TMEM184A: variants seen among roughly 807,000 people sequenced by gnomAD.
The protein encoded by TMEM184A is sexually dimorphic, expressed in male gonads 1.
Under a neutral mutation model 39.5 loss-of-function variants are expected in TMEM184A, and 40 were observed. The ratio of observed to expected loss-of-function variants is 1.01; its 90% CI spans 0.79 to 1.32. TMEM184A has a LOEUF of 1.32. TMEM184A is among the 40% of genes most tolerant of loss of function. The pLI is 0.00. For synonymous variants in TMEM184A, 280 were observed against 252.3 expected (o/e 1.11, Z -1.04); for missense variants, 603 against 568.8 (o/e 1.06, Z -0.61).
At chr7:1,547,974 G>T in intron 7 of TMEM184A, 35 bp from the exon 8 acceptor site, 1 of 1,541,850 alleles carries the variant, frequency 6.5e-7, no homozygotes, top group Non-Finnish European at 8.7e-7. Flanking sequence ...CCCAGCCCCA[G>T]ACGGGGTCTG....
chr7:1,548,859 C>A (rs989943293), intron 6 of TMEM184A, 171 bp from the exon 7 acceptor site: 2 of 844,998 alleles, frequency 2.4e-6, no homozygotes, highest in South Asian at 2.9e-5. Context: ...TGCAGGAGAG[C>A]GTGGGGAGCT....
In TMEM184A at chr7:1,555,126, T is replaced by C. The variant is rs953491502; in HGVS notation, c.219+140A>G. 14 of 661,440 alleles carry C rather than the reference T, an allele frequency of 2.1e-5. No homozygotes were observed. Among genetic ancestry groups the C allele is most frequent in the Non-Finnish European group, 3.4e-5 (14 of 409,632 alleles). 41.0% of individuals were successfully genotyped at this position (661,440 alleles called of 1,614,324 possible). A position where few individuals can be genotyped will look rare whatever the true frequency, so the allele number is the denominator to read the frequency against. On this transcript the variant is annotated intron_variant, in intron 2 of 8. Coordinates refer to ENST00000297477, the MANE Select transcript of TMEM184A (RefSeq NM_001097620.2). The surrounding 1 kb of genome is among the most constrained non-coding windows in gnomAD (Gnocchi z 5.2). ...CCCACATGCCACATCCTGGGGAAGC[T>C]CATCCCCTCCCCCGTGCCCTGGCCG...
rs964401580 is a variant in TMEM184A at position 1,548,945 on chromosome 7, T to C, written c.645-257A>G. The C allele has an allele frequency of 6.3e-6, 4 of 638,606 alleles. No individual in the cohort carries two copies. The African/African-American group carries it at 7.2e-5, about 11-fold the overall frequency. 39.6% of individuals were successfully genotyped at this position (638,606 alleles called of 1,614,324 possible). ...TCCCTACCGGCCCTGCTCCTCCTCG[T>C]CCCAGGATCCTGTCCACTGCTCAGG... is the stretch of plus-strand genomic sequence containing the variant. On this transcript the variant is annotated intron_variant, in intron 6 of 8. Coordinates refer to ENST00000297477, the MANE Select transcript of TMEM184A (RefSeq NM_001097620.2).
chr7:1,550,616 G>A (rs778063667), intron 3 of TMEM184A, among the ~76,000 whole-genome samples: 8 of 152,168 alleles, frequency 5.3e-5, no homozygotes, highest in East Asian at 1.9e-4. Context: ...CAGGTCCACC[G>A]AGCCCCTCTC....
Position 1,547,778 on chromosome 7 carries a change from A to T in TMEM184A, c.976T>A (p.Cys326Ser). ...ASVALRYAFP[C>S]QVYAEKKENS... is the part of the protein sequence containing the mutation. ...TCCTTCTTCTCTGCGTACACCTGGC[A>T]GGGGAAGGCATAACGCAGGGCCACG... The change falls in exon 8 of 9, where the codon TGC (cysteine) becomes AGC (serine). Residue 326 changes from cysteine to serine, a missense_variant. Transcript: ENST00000297477. 1 of 1,613,008 alleles carries T rather than the reference A, an allele frequency of 6.2e-7. No homozygotes were observed. The highest frequency in any genetic ancestry group is 1.1e-5 in the South Asian group (1 of 91,056).
At chr7:1,551,343 G>A (rs1249241726) in intron 2 of TMEM184A, among the ~76,000 whole-genome samples, 4 of 139,938 alleles carry the variant, frequency 2.9e-5, no homozygotes, top group African/African-American at 1.1e-4. Flanking sequence ...CGGGAAGGAG[G>A]TGGGGGTGGG....
At chr7:1,552,178 G>A (rs897041886) in intron 2 of TMEM184A, among the ~76,000 whole-genome samples, 1 of 152,058 alleles carries the variant, frequency 6.6e-6, no homozygotes, top group Admixed American at 6.6e-5. Flanking sequence ...GGGTCTCACT[G>A]TGTTGCCCAG....
In TMEM184A at chr7:1,550,966, C is replaced by A. The variant is rs371379080; in HGVS notation, c.236G>T (p.Arg79Leu). Residue 79 changes from arginine (R) to leucine (L), a missense_variant, in exon 3 of 9, where the codon CGC becomes CTC. By Grantham distance (102) the Arg-to-Leu change is moderately radical. Transcript: ENST00000297477. Reference sequence around the variant, plus strand: ...TTGCTCCTGTGGCACGGTGTAGGAGCGCAGGTGCAGATAGATCTGGGCGCA... The same window carrying A: ...TTGCTCCTGTGGCACGGTGTAGGAGAGCAGGTGCAGATAGATCTGGGCGCA... Reference protein sequence around the residue: ...LTCHQIYLHLRSYTVPQEQRY... With the variant: ...LTCHQIYLHLLSYTVPQEQRY... 1.2e-6 allele frequency: 2 copies of A among 1,612,710 alleles called. No homozygotes were observed. The highest frequency in any genetic ancestry group is 1.3e-5 in the African/African-American group (1 of 74,846).
Position 1,542,559 on chromosome 7 carries a change from C to T in TMEM184A, c.*4393G>A, listed in dbSNP as rs1003336351. On this transcript the variant is annotated 3_prime_UTR_variant, in exon 9 of 9. Coordinates refer to ENST00000297477, the MANE Select transcript of TMEM184A (RefSeq NM_001097620.2). ...TTTGCTGGAGAAGGGACTCCCTGGT[C>T]CCCAGGGTGGACGGAGCCGCTGTCA... 2 of 152,294 alleles carry T rather than the reference C, an allele frequency of 1.3e-5. No individual in the cohort carries two copies. The highest frequency in any genetic ancestry group is 2.4e-5 in the African/African-American group (1 of 41,474). The allele number at this position is 152,294 out of a possible 1,614,324, so 9.4% of individuals were successfully genotyped here. A position where few individuals can be genotyped will look rare whatever the true frequency, so the allele number is the denominator to read the frequency against.
intron 6 of TMEM184A, chr7:1,549,227 T>C (rs1187461792): frequency 3.4e-5 from 15 of 446,120 alleles, no homozygotes; most frequent in Non-Finnish European, 4.9e-5. Context: ...TGTGTGAACA[T>C]GTGATGCACG....
chr7:1,555,718 A>C lies in TMEM184A; in HGVS notation c.1-234T>G, dbSNP rs1778538099. 6.6e-6 allele frequency among the ~76,000 whole-genome samples: 1 copy of C among 152,156 alleles called. No individual in the cohort carries two copies. Among genetic ancestry groups the C allele is most frequent in the Non-Finnish European group, 1.5e-5 (1 of 68,006 alleles). ...CCTGCGACCTGAGGGTCCCACCTCA[A>C]TTCCCCCTTGTAAAACCAGCTTCCA... is the stretch of plus-strand genomic sequence containing the variant. On this transcript the variant is annotated intron_variant, in intron 1 of 8. Coordinates refer to ENST00000297477, the MANE Select transcript of TMEM184A (RefSeq NM_001097620.2). The surrounding 1 kb of genome is among the most constrained non-coding windows in gnomAD (Gnocchi z 5.2).
chr7:1,542,251 T>C lies in TMEM184A; in HGVS notation c.*4701A>G, dbSNP rs991073532. 5.2e-5 allele frequency: 8 copies of C among 152,616 alleles called. No homozygotes were observed. The highest frequency in any genetic ancestry group is 1.7e-4 in the African/African-American group (7 of 41,474). The allele number at this position is 152,616 out of a possible 1,614,324, so 9.5% of individuals were successfully genotyped here. ...GAAAATATATAGAGATATAAAATTA[T>C]ATTCACAGTTTATCTACAGATTTTT... On this transcript the variant is annotated 3_prime_UTR_variant, in exon 9 of 9. Transcript: ENST00000297477.
intron 2 of TMEM184A, among the ~76,000 whole-genome samples, chr7:1,554,621 G>A (rs1321522952): frequency 2.6e-5 from 4 of 152,250 alleles, no homozygotes; most frequent in Non-Finnish European, 4.4e-5. Flanking sequence ...CCCTGCCCTC[G>A]GGCACCACTT....
chr7:1,553,394 C>T (rs1369247788), intron 2 of TMEM184A, among the ~76,000 whole-genome samples: 2 of 152,160 alleles, frequency 1.3e-5, no homozygotes, highest in Non-Finnish European at 2.9e-5. Context: ...CTCGGGTGAT[C>T]CACCCGCCTT....
intron 6 of TMEM184A, chr7:1,549,633 T>C: frequency 1.5e-6 from 1 of 660,134 alleles, no homozygotes; most frequent in Non-Finnish European, 2.9e-6. Flanking sequence ...GTACCTGTCT[T>C]GGGCGGGGCC....
chr7:1,553,857 G>A (rs1039289772), intron 2 of TMEM184A, among the ~76,000 whole-genome samples: 36 of 151,982 alleles, frequency 2.4e-4, no homozygotes, highest in Non-Finnish European at 4.0e-4. Context: ...CTCACTCAAG[G>A]GTGACTCTGG....
chr7:1,551,888 G>T (rs1319600519), intron 2 of TMEM184A, among the ~76,000 whole-genome samples: 1 of 151,948 alleles, frequency 6.6e-6, no homozygotes, highest in Non-Finnish European at 1.5e-5. Flanking sequence ...GGTGAACCAA[G>T]ATTGCGCCAC....
In TMEM184A at chr7:1,547,893, C is replaced by T; in HGVS notation, c.861G>A (p.Val287=). The part of the protein sequence containing the change: ...ILERCGVIPE[V]ETSGGNKLGA... Reference sequence around the variant, plus strand: ...CCAGCTTGTTCCCGCCGCTGGTCTCCACCTCCGGGATGACCCCGCACCGCT... The same window carrying T: ...CCAGCTTGTTCCCGCCGCTGGTCTCTACCTCCGGGATGACCCCGCACCGCT... The change falls in exon 8 of 9, where the codon GTG becomes GTA. Residue 287 remains valine (V), a synonymous_variant. Transcript: ENST00000297477. 6.3e-7 allele frequency: 1 copy of T among 1,595,180 alleles called. No homozygotes were observed. The highest frequency in any genetic ancestry group is 1.3e-5 in the African/African-American group (1 of 74,606).
chr7:1,550,835 CAG>C lies in TMEM184A; in HGVS notation c.365_366del (p.Ser122CysfsTer30), dbSNP rs1394722779. ...GDHQYYVYFD[S>X]VRDCYEAFVI... Reference sequence around the variant, plus strand: ...CGCCCACCTTCGTAGCAGTCCCGCACAGAGTCGAAGTAGACGTAGTACTGGTG... The same window carrying C: ...CGCCCACCTTCGTAGCAGTCCCGCACAGTCGAAGTAGACGTAGTACTGGTG... On this transcript the variant is annotated frameshift_variant, in exon 3 of 9. Transcript: ENST00000297477. LOFTEE classifies it high-confidence loss of function. 1.2e-6 allele frequency: 2 copies of C among 1,613,256 alleles called. No homozygotes were observed. The highest frequency in any genetic ancestry group is 1.7e-5 in the Admixed American group (1 of 60,024).
Sources: allele counts gnomAD v4.1 joint callset (sites outside exome capture counted in the v4.1 genomes callset), GRCh38; gene constraint gnomAD v4.1.1; non-coding constraint Gnocchi (gnomAD v3.1); transcripts MANE v1.5; gene names NCBI Gene and HGNC (gene_info 2026-07-23, HGNC 2026-07-21).